The following DST variants were observed in gnomAD, a reference collection of about 807,000 sequenced individuals.
DST encodes the protein dystonin.
DST carries 253 observed loss-of-function variants against 875.2 expected under a neutral mutation model. The ratio of observed to expected loss-of-function variants is 0.29; its 90% CI spans 0.26 to 0.32. The LOEUF (loss-of-function observed/expected upper bound fraction) is 0.32. Ranked by LOEUF, DST falls within the 10% of genes least tolerant of loss-of-function variation. The pLI, the probability that DST is intolerant of heterozygous loss-of-function variation, is 1.00. For missense variants in DST, 8,287 were observed against 9,111.6 expected (o/e 0.91, Z 3.68); for synonymous variants, 3,124 against 3,197.1 (o/e 0.98, Z 0.77).
chr6:56,574,109 A>T (rs1482608549), intron 50 of DST, among the ~76,000 whole-genome samples: 1 of 152,170 alleles, frequency 6.6e-6, no homozygotes, highest in African/African-American at 2.4e-5. Context: ...CTTTTTTTAA[A>T]AGTTAATATA....
chr6:56,506,692 G>A lies in DST; in HGVS notation c.19337C>T (p.Pro6446Leu), dbSNP rs946021219. 1.2e-6 allele frequency: 2 copies of A among 1,613,492 alleles called. No homozygotes were observed. The highest frequency in any genetic ancestry group is 2.7e-5 in the African/African-American group (2 of 75,006). Residue 6446 changes from proline (P) to leucine (L), a missense_variant, in exon 76 of 104, where the codon CCC becomes CTC. Transcript: ENST00000680361. ...LIAACGEPDKPIVKKSIDELN... is the reference protein window; with the variant it reads ...LIAACGEPDKLIVKKSIDELN... ...CTCATCTATACTCTTCTTGACAATGGGTTTATCAGGCTCCCCACATGCCGC... is the reference window on the plus strand; with the variant it reads ...CTCATCTATACTCTTCTTGACAATGAGTTTATCAGGCTCCCCACATGCCGC...
intron 45 of DST, 58 bp from the exon 46 acceptor site, chr6:56,598,767 C>A: frequency 9.3e-7 from 1 of 1,071,570 alleles, no homozygotes; most frequent in East Asian, 2.6e-5. Context: ...TTAGTTCTTC[C>A]AGAGTTGTAA....
chr6:56,863,767 A>G (rs1772541533), intron 3 of DST: 1 of 152,248 alleles, frequency 6.6e-6, no homozygotes. Context: ...ATCACAAAAA[A>G]CAAGCACACC....
At chr6:56,475,785 A>G (rs2095157171) in intron 92 of DST, among the ~76,000 whole-genome samples, 1 of 152,178 alleles carries the variant, frequency 6.6e-6, no homozygotes, top group African/African-American at 2.4e-5. Context: ...AGGGAGGTGG[A>G]GGTGGGTGAG....
chr6:56,640,330 G>C lies in DST; in HGVS notation c.2303C>G (p.Pro768Arg). ...TGGAACTAATCCTGATGGGAAACCAGGTGTATAAGCTGGAGTGACAGATGG... is the reference window on the plus strand; with the variant it reads ...TGGAACTAATCCTGATGGGAAACCACGTGTATAAGCTGGAGTGACAGATGG... ...LTPSVTPAYTPGFPSGLVPNF... is the reference protein window; with the variant it reads ...LTPSVTPAYTRGFPSGLVPNF... The change falls in exon 18 of 104, where the codon CCT (proline) becomes CGT (arginine). Residue 768 changes from proline (P) to arginine (R), a missense_variant. Physicochemically the swap from Pro to Arg is moderately radical, Grantham distance 103. Transcript: ENST00000680361. The C allele has an allele frequency of 6.2e-7, 1 of 1,614,170 alleles. No homozygotes were observed. The highest frequency in any genetic ancestry group is 8.5e-7 in the Non-Finnish European group (1 of 1,180,036).
At chr6:56,916,777 C>CA (rs1801253719) in intron 2 of DST, among the ~76,000 whole-genome samples, 1 of 102,518 alleles carries the variant, frequency 9.8e-6, no homozygotes, top group South Asian at 3.8e-4. Context: ...CTCTCTCTCT[C>CA]TCACACACAC....
At chr6:56,703,161 A>ATTT (rs2099317956) in intron 7 of DST, among the ~76,000 whole-genome samples, 1 of 152,200 alleles carries the variant, frequency 6.6e-6, no homozygotes, top group African/African-American at 2.4e-5. Context: ...TAGAGAGGTA[A>ATTT]AACATGTCCA....
In DST at chr6:56,594,056, C is replaced by T. The variant is rs2152688870; in HGVS notation, c.12333G>A (p.Leu4111=). The change falls in exon 48 of 104, where the codon CTG becomes CTA. Residue 4111 remains leucine, a synonymous_variant. Coordinates refer to ENST00000680361, the MANE Select transcript of DST (RefSeq NM_001374736.1). ...CCAGTGCAGTTTCATAATGCACTTT[C>T]AGTTCCTTCATGTTCTTTTGCAGTT... is the stretch of plus-strand genomic sequence containing the variant. ...KEKLQKNMKE[L]KVHYETALAE... is the part of the protein sequence containing the mutation. The T allele has an allele frequency of 1.2e-6, 2 of 1,613,300 alleles. No individual in the cohort carries two copies. The highest frequency in any genetic ancestry group is 1.7e-6 in the Non-Finnish European group (2 of 1,179,782).
At chr6:56,786,678 A>C (rs989363989) in intron 4 of DST, among the ~76,000 whole-genome samples, 2 of 151,924 alleles carry the variant, frequency 1.3e-5, no homozygotes, top group African/African-American at 2.4e-5. Flanking sequence ...GATTATAGGC[A>C]CCCGCCACCA....
At chr6:56,850,565 A>G (rs1764646602) in intron 4 of DST, among the ~76,000 whole-genome samples, 1 of 152,134 alleles carries the variant, frequency 6.6e-6, no homozygotes, top group Non-Finnish European at 1.5e-5. Context: ...GACACATTCC[A>G]TCCTGCCCTG....
At chr6:56,534,655 T>C (rs1379262479) in intron 63 of DST, among the ~76,000 whole-genome samples, 1 of 152,214 alleles carries the variant, frequency 6.6e-6, no homozygotes, top group Non-Finnish European at 1.5e-5. Flanking sequence ...GTTATTTCCA[T>C]ACAAATGCCA....
intron 9 of DST, among the ~76,000 whole-genome samples, chr6:56,697,292 T>A (rs2099269173): frequency 6.6e-6 from 1 of 152,220 alleles, no homozygotes; most frequent in South Asian, 2.1e-4. Context: ...CCCAACTGAG[T>A]CCTGACCTTT....
At chr6:56,752,044 A>G (rs532935603) in intron 4 of DST, among the ~76,000 whole-genome samples, 52 of 152,250 alleles carry the variant, frequency 3.4e-4, no homozygotes, top group African/African-American at 1.1e-3. Flanking sequence ...TAAAGCTTGT[A>G]TCAAGCACAC....
chr6:56,542,428 TAAAAAAAAAAAAAA>T (rs60688419), intron 61 of DST: 3 of 68,088 alleles, frequency 4.4e-5, no homozygotes, highest in Non-Finnish European at 7.7e-5. Context: ...TAAGCTTCTT[TAAAAAAAAAAAAAA>T]AAAAAAAAAA....
chr6:56,901,876 T>G (rs1794293525), intron 2 of DST, among the ~76,000 whole-genome samples: 1 of 152,198 alleles, frequency 6.6e-6, no homozygotes, highest in Admixed American at 6.6e-5. Flanking sequence ...TTGGTCCTCA[T>G]GGCTTACAAT....
At chr6:56,727,013 C>A (rs551764100) in intron 5 of DST, among the ~76,000 whole-genome samples, 3 of 152,278 alleles carry the variant, frequency 2.0e-5, no homozygotes, top group Non-Finnish European at 4.4e-5. Context: ...GAAAATAAAT[C>A]TTGGGGCCCC....
Position 56,474,090 on chromosome 6 carries a change from A to G in DST, c.21865-88T>C, listed in dbSNP as rs1400104292. 1.8e-5 allele frequency: 20 copies of G among 1,137,106 alleles called. No homozygotes were observed. The East Asian group carries it at 5.2e-4, about 30-fold the overall frequency. The allele number at this position is 1,137,106 out of a possible 1,614,324, so 70.4% of individuals were successfully genotyped here. A position where few individuals can be genotyped will look rare whatever the true frequency, so the allele number is the denominator to read the frequency against. On this transcript the variant is annotated intron_variant, in intron 92 of 103. Coordinates refer to ENST00000680361, the MANE Select transcript of DST (RefSeq NM_001374736.1). ...GAACTAAAAGCAGAAGGATAAAAGA[A>G]CCATGTTATTATTTCTGAAGAAGAA...
intron 69 of DST, among the ~76,000 whole-genome samples, chr6:56,523,820 G>T (rs1395733074): frequency 1.3e-5 from 2 of 152,084 alleles, no homozygotes; most frequent in African/African-American, 2.4e-5. Flanking sequence ...ATCATGTGTG[G>T]CTGTTGGTAG....
At chr6:56,906,476 G>A (rs760346143) in intron 2 of DST, among the ~76,000 whole-genome samples, 23 of 152,112 alleles carry the variant, frequency 1.5e-4, no homozygotes, top group Non-Finnish European at 2.8e-4. Context: ...TGCCAGCCAC[G>A]TGTACAGTAA....
Sources: gnomAD v4.1 joint callset for allele counts (sites outside exome capture counted in the v4.1 genomes callset) on GRCh38, gnomAD v4.1.1 for gene constraint, MANE v1.5 for transcripts, NCBI Gene and HGNC (gene_info 2026-07-23, HGNC 2026-07-21) for gene names.